The following IGSF11 variants were observed in gnomAD, a reference collection of about 807,000 sequenced individuals.
IGSF11 encodes the protein CXADR like 1.
A neutral mutation model predicts 41.0 loss-of-function variants in IGSF11; 22 were observed. That is an observed-to-expected ratio of 0.54 (90% CI 0.38 to 0.77). The LOEUF (loss-of-function observed/expected upper bound fraction) is 0.77, where lower values mean the gene tolerates loss of function less well. IGSF11 is among the 30% of genes least tolerant of loss of function. IGSF11 has a pLI of 0.00. For synonymous variants in IGSF11, 219 were observed against 201.3 expected (o/e 1.09, Z -0.74); for missense variants, 444 against 530.8 (o/e 0.84, Z 1.61).
chr3:119,100,921 G>A (rs1262624412), intron 1 of IGSF11, among the ~76,000 whole-genome samples: 1 of 151,960 alleles, frequency 6.6e-6, no homozygotes, highest in Non-Finnish European at 1.5e-5. Flanking sequence ...GGGAGATGAG[G>A]GATGAATCCT....
At chr3:119,068,940 T>C (rs2107463704) in intron 1 of IGSF11, among the ~76,000 whole-genome samples, 1 of 146,986 alleles carries the variant, frequency 6.8e-6, no homozygotes, top group East Asian at 2.0e-4. Flanking sequence ...TTTTTTTTTT[T>C]TTTTGAGATG....
intron 1 of IGSF11, among the ~76,000 whole-genome samples, chr3:119,041,446 G>A (rs185528272): frequency 4.6e-5 from 7 of 152,194 alleles, no homozygotes; most frequent in Admixed American, 2.6e-4. Context: ...GCCAGATGTG[G>A]TAATGCACAC....
intron 1 of IGSF11, among the ~76,000 whole-genome samples, chr3:119,078,472 T>A (rs1165361302): frequency 6.6e-6 from 1 of 152,198 alleles, no homozygotes; most frequent in Non-Finnish European, 1.5e-5. Context: ...GGGAAAGGAC[T>A]CCCTGTCCAA....
At chr3:119,017,607 C>T (rs1009293774) in intron 1 of IGSF11, among the ~76,000 whole-genome samples, 22 of 151,978 alleles carry the variant, frequency 1.4e-4, no homozygotes, top group African/African-American at 5.3e-4. Flanking sequence ...TTTAATCTTT[C>T]TGATCATTTT....
intron 4 of IGSF11, among the ~76,000 whole-genome samples, chr3:118,908,253 A>G (rs1324507292): frequency 1.3e-5 from 2 of 152,246 alleles, no homozygotes; most frequent in Non-Finnish European, 2.9e-5. Context: ...GGTGAAGTCA[A>G]TGTCTTCCTT....
chr3:119,003,542 G>A (rs1160889117), intron 1 of IGSF11, among the ~76,000 whole-genome samples: 2 of 151,126 alleles, frequency 1.3e-5, no homozygotes, highest in Non-Finnish European at 2.9e-5. Context: ...GGGCATCCCT[G>A]TTTTCAAAGG....
At chr3:119,110,344 A>G (rs2077127757) in intron 1 of IGSF11, among the ~76,000 whole-genome samples, 1 of 151,940 alleles carries the variant, frequency 6.6e-6, no homozygotes, top group Non-Finnish European at 1.5e-5. Context: ...GCATTATGTA[A>G]TGGCCTTCTT....
At chr3:118,995,553 AC>A (rs1936183249) in intron 1 of IGSF11, among the ~76,000 whole-genome samples, 1 of 152,218 alleles carries the variant, frequency 6.6e-6, no homozygotes, top group Non-Finnish European at 1.5e-5. Context: ...AAAGCTCCAA[AC>A]AAAAACAACT....
intron 1 of IGSF11, among the ~76,000 whole-genome samples, chr3:119,084,135 T>C (rs1284263272): frequency 6.6e-6 from 1 of 152,058 alleles, no homozygotes; most frequent in East Asian, 1.9e-4. Context: ...GACAACTAGA[T>C]ACAGCCAGGA....
chr3:118,956,344 A>G lies in IGSF11; in HGVS notation c.53-26069T>C, dbSNP rs145713393. The stretch of plus-strand genomic sequence containing the variant: ...CAAAAACTTTTCCTTTTCATTCACA[A>G]CTTGAGTGTTTAACACCAAGAAGCT... On this transcript the variant is annotated intron_variant, in intron 1 of 6. Coordinates refer to ENST00000393775, the MANE Select transcript of IGSF11 (RefSeq NM_001015887.3). Among the ~76,000 whole-genome samples the G allele has an allele frequency of 1.0e-3, 158 of 152,234 alleles. 1 individual carries two copies. The highest frequency in any genetic ancestry group is 3.6e-3 in the African/African-American group (151 of 41,538).
At chr3:118,914,606 CG>C (rs1237242241) in intron 4 of IGSF11, among the ~76,000 whole-genome samples, 2 of 149,264 alleles carry the variant, frequency 1.3e-5, no homozygotes, top group South Asian at 2.2e-4. Flanking sequence ...GAGGGTCCTA[CG>C]CCCACGGAGT....
chr3:119,072,675 T>C (rs979948778), intron 1 of IGSF11, among the ~76,000 whole-genome samples: 5 of 152,298 alleles, frequency 3.3e-5, no homozygotes, highest in East Asian at 1.9e-4. Flanking sequence ...TGGTTCGTGG[T>C]CTTGCTGGCC....
chr3:119,011,943 T>TTCTC (rs141583604), intron 1 of IGSF11, among the ~76,000 whole-genome samples: 3 of 149,684 alleles, frequency 2.0e-5, no homozygotes, highest in Non-Finnish European at 3.0e-5. Flanking sequence ...CTATATAGTG[T>TTCTC]TCTGTGTGTG....
chr3:119,100,595 G>A (rs1191913235), intron 1 of IGSF11, among the ~76,000 whole-genome samples: 2 of 152,138 alleles, frequency 1.3e-5, no homozygotes, highest in Admixed American at 1.3e-4. Flanking sequence ...ATAAGGAGTA[G>A]GGAGATCAAA....
At chr3:119,085,122 C>T (rs1228758221) in intron 1 of IGSF11, among the ~76,000 whole-genome samples, 2 of 152,142 alleles carry the variant, frequency 1.3e-5, no homozygotes, top group African/African-American at 4.8e-5. Flanking sequence ...GGTGGCTCCC[C>T]CAAGGCTCAA....
chr3:119,094,157 G>A (rs542614715), intron 1 of IGSF11, among the ~76,000 whole-genome samples: 5 of 128,454 alleles, frequency 3.9e-5, no homozygotes, highest in African/African-American at 1.1e-4. Context: ...ATGAAGGAGT[G>A]GAAATATACC....
chr3:119,064,413 C>T (rs1942154569), intron 1 of IGSF11, among the ~76,000 whole-genome samples: 1 of 151,998 alleles, frequency 6.6e-6, no homozygotes, highest in African/African-American at 2.4e-5. Flanking sequence ...CATCCTAATC[C>T]CAAAACCACG....
intron 1 of IGSF11, among the ~76,000 whole-genome samples, chr3:118,995,742 T>G (rs1338215735): frequency 6.6e-6 from 1 of 152,118 alleles, no homozygotes; most frequent in Non-Finnish European, 1.5e-5. Flanking sequence ...AACCTCCACC[T>G]CCTGGGTTCA....
intron 1 of IGSF11, among the ~76,000 whole-genome samples, chr3:118,985,916 C>T (rs577197407): frequency 1.1e-4 from 16 of 152,208 alleles, no homozygotes; most frequent in African/African-American, 3.9e-4. Flanking sequence ...CAGTATAGAG[C>T]CTTGAAATGA....
Sources: allele counts gnomAD v4.1 joint callset (sites outside exome capture counted in the v4.1 genomes callset), GRCh38; gene constraint gnomAD v4.1.1; transcripts MANE v1.5; gene names NCBI Gene and HGNC (gene_info 2026-07-23, HGNC 2026-07-21).